The following SUCO variants were observed in gnomAD, a reference collection of about 807,000 sequenced individuals.
SUCO encodes SUN domain-containing ossification factor.
Under a neutral mutation model 148.1 loss-of-function variants are expected in SUCO, and 57 were observed. The ratio of observed to expected loss-of-function variants is 0.38; its 90% CI spans 0.31 to 0.48. The LOEUF (loss-of-function observed/expected upper bound fraction) is 0.48, where lower values mean the gene tolerates loss of function less well. Ranked by LOEUF, SUCO falls within the 20% of genes least tolerant of loss-of-function variation. The pLI, the probability that SUCO is intolerant of heterozygous loss-of-function variation, is 0.96. For missense variants in SUCO, 1,331 were observed against 1,468.2 expected, an observed-to-expected ratio of 0.91 and a Z score of 1.53; for synonymous variants, 470 against 502.7, an observed-to-expected ratio of 0.93 and a Z score of 0.87.
chr1:172,579,307 T>C, intron 15 of SUCO, 40 bp downstream of exon 15: 1 of 1,291,032 alleles, frequency 7.7e-7, no homozygotes, highest in Admixed American at 1.8e-5. Flanking sequence ...CTACTACTTT[T>C]TCATTCTGAC....
chr1:172,577,521 T>C lies in SUCO; in HGVS notation c.1264-18T>C, dbSNP rs768097841. 2 of 1,608,228 alleles carry C rather than the reference T, an allele frequency of 1.2e-6. No individual in the cohort carries two copies. Among genetic ancestry groups the C allele is most frequent in the Non-Finnish European group, 1.7e-6 (2 of 1,178,044 alleles). On this transcript the variant is annotated intron_variant, in intron 11 of 23. Transcript: ENST00000263688. ...CTTTGGAACTGATTTCTTTTTCTTT[T>C]CCTTTCTCTTGCTTCAGATGTTCAT...
chr1:172,546,886 GGTGATAGA>G (rs1290934892), intron 1 of SUCO, among the ~76,000 whole-genome samples: 26 of 152,294 alleles, frequency 1.7e-4, no homozygotes, highest in African/African-American at 6.3e-4. Flanking sequence ...CCCCAGCCTG[GGTGATAGA>G]GTGGGACCCT....
chr1:172,553,927 A>G (rs1013746987), intron 3 of SUCO, among the ~76,000 whole-genome samples: 4 of 152,240 alleles, frequency 2.6e-5, no homozygotes, highest in Non-Finnish European at 4.4e-5. Flanking sequence ...TCTGGAAACC[A>G]TGTAATATCA....
intron 19 of SUCO, among the ~76,000 whole-genome samples, chr1:172,591,615 T>C (rs1344083011): frequency 6.6e-6 from 1 of 152,100 alleles, no homozygotes; most frequent in Admixed American, 6.5e-5. Context: ...GAACTCATCC[T>C]TTTTTATGGC....
At chr1:172,536,441 AAC>A (rs1275233804) in intron 1 of SUCO, among the ~76,000 whole-genome samples, 1 of 152,216 alleles carries the variant, frequency 6.6e-6, no homozygotes, top group Admixed American at 6.5e-5. Context: ...AGATCTTTGT[AAC>A]ACAGTAACAG....
At chr1:172,542,253 A>G (rs915936243) in intron 1 of SUCO, among the ~76,000 whole-genome samples, 4 of 152,052 alleles carry the variant, frequency 2.6e-5, no homozygotes, top group African/African-American at 9.7e-5. Context: ...ATGGTAGCGC[A>G]TGCCTGTAAT....
chr1:172,579,204 T>C lies in SUCO; in HGVS notation c.1435T>C (p.Tyr479His). ...ACTTTTATTTTCGTTTTTAACAGAT[T>C]ATCCACTGGATTATAATACTGGAGA... ...RQELFDEDYDYPLDYNTGEDK... is the reference protein window; with the variant it reads ...RQELFDEDYDHPLDYNTGEDK... The change falls in exon 15 of 24, where the codon TAT becomes CAT. Residue 479 changes from tyrosine (Y) to histidine (H), a missense_variant and splice_region_variant. Tyr to His is a moderately conservative substitution (Grantham distance 83). Coordinates refer to ENST00000263688, the MANE Select transcript of SUCO (RefSeq NM_014283.5). 1.3e-6 allele frequency: 2 copies of C among 1,566,990 alleles called. No homozygotes were observed. The highest frequency in any genetic ancestry group is 2.2e-5 in the South Asian group (2 of 89,410).
chr1:172,608,694 C>A (rs1658011162), intron 22 of SUCO, 53 bp from the exon 23 acceptor site: 1 of 1,201,876 alleles, frequency 8.3e-7, no homozygotes, highest in East Asian at 2.3e-5. Context: ...TATAGCAAAT[C>A]CACCAAATCC....
At position 172,570,051 on chromosome 1, in the gene SUCO, G is replaced by T. The variant is rs767086208; in HGVS notation, c.861G>T (p.Gln287His). The T allele has an allele frequency of 2.6e-6, 4 of 1,527,608 alleles. No individual in the cohort carries two copies. In the African/African-American group the frequency reaches 4.2e-5, roughly 16 times the overall value. 94.6% of individuals were successfully genotyped at this position (1,527,608 alleles called of 1,614,324 possible). A position where few individuals can be genotyped will look rare whatever the true frequency, so the allele number is the denominator to read the frequency against. ...KVMEVEKEKS[Q>H]SMHASSNGGS... is the part of the protein sequence containing the mutation. ...ATAATAACGGTTTGTCTGCAGGTCA[G>T]TCGATGCATGCATCTTCTAATGGAG... Residue 287 changes from glutamine (Q) to histidine (H), a missense_variant, in exon 8 of 24, where the codon CAG (glutamine) becomes CAT (histidine). Coordinates refer to ENST00000263688, the MANE Select transcript of SUCO (RefSeq NM_014283.5).
At chr1:172,569,165 T>A (rs1654765386) in intron 7 of SUCO, 23 bp downstream of exon 7, 5 of 1,504,894 alleles carry the variant, frequency 3.3e-6, no homozygotes, top group East Asian at 4.7e-5. Context: ...TTGAGTTCTT[T>A]AAATTTTTTT....
chr1:172,574,600 A>G (rs556607141), intron 10 of SUCO, among the ~76,000 whole-genome samples: 2 of 152,194 alleles, frequency 1.3e-5, no homozygotes, highest in South Asian at 2.1e-4. Context: ...TTCTATAAAA[A>G]TATGTACTTT....
chr1:172,562,347 T>TA (rs1654232005), intron 6 of SUCO, among the ~76,000 whole-genome samples: 1 of 150,392 alleles, frequency 6.6e-6, no homozygotes, highest in African/African-American at 2.4e-5. Flanking sequence ...TTTTTTTTTT[T>TA]ATTTTGAGAT....
intron 20 of SUCO, 118 bp downstream of exon 20, chr1:172,600,286 A>G: frequency 1.4e-6 from 1 of 728,090 alleles, no homozygotes; most frequent in South Asian, 1.9e-5. Context: ...TGTCATTTGT[A>G]GTGAACTTTT....
At chr1:172,545,219 G>A (rs1456749136) in intron 1 of SUCO, among the ~76,000 whole-genome samples, 1 of 152,110 alleles carries the variant, frequency 6.6e-6, no homozygotes, top group African/African-American at 2.4e-5. Context: ...GAATATGAAG[G>A]AAGAGAGATG....
chr1:172,603,863 T>C (rs1657687045), intron 22 of SUCO, among the ~76,000 whole-genome samples: 2 of 152,118 alleles, frequency 1.3e-5, no homozygotes, highest in South Asian at 2.1e-4. Context: ...TCGTTCCTTA[T>C]AGTATTCCAT....
chr1:172,546,032 T>G (rs1471882240), intron 1 of SUCO, among the ~76,000 whole-genome samples: 1 of 151,982 alleles, frequency 6.6e-6, no homozygotes, highest in African/African-American at 2.4e-5. Flanking sequence ...CCCTGGGAAC[T>G]GGTGATTTTC....
At chr1:172,595,277 A>G (rs992604084) in intron 19 of SUCO, among the ~76,000 whole-genome samples, 15 of 152,206 alleles carry the variant, frequency 9.9e-5, no homozygotes, top group Non-Finnish European at 2.9e-5. Context: ...TAGCCCATTT[A>G]CATTTAAGGT....
intron 15 of SUCO, among the ~76,000 whole-genome samples, chr1:172,584,747 G>A (rs1656117550): frequency 2.0e-5 from 3 of 152,202 alleles, no homozygotes; most frequent in Admixed American, 2.0e-4. Flanking sequence ...CTGCACTCCA[G>A]CCTGGGCAAC....
chr1:172,583,407 C>T (rs1174270796), intron 15 of SUCO, among the ~76,000 whole-genome samples: 3 of 152,096 alleles, frequency 2.0e-5, no homozygotes, highest in African/African-American at 7.2e-5. Context: ...TGACTTTCAG[C>T]GTATACACTC....
Sources: gnomAD v4.1 joint callset for allele counts (sites outside exome capture counted in the v4.1 genomes callset) on GRCh38, gnomAD v4.1.1 for gene constraint, MANE v1.5 for transcripts, NCBI Gene and HGNC (gene_info 2026-07-23, HGNC 2026-07-21) for gene names.